Variants in IFT81 observed in about 807,000 individuals in gnomAD.
IFT81 encodes the protein intraflagellar transport protein 81 homolog.
IFT81 carries 72 observed loss-of-function variants against 102.6 expected under a neutral mutation model. The observed-to-expected ratio is 0.70, with a 90% confidence interval of 0.58 to 0.85. The LOEUF is 0.85. IFT81 is among the 40% of genes least tolerant of loss of function. The probability of loss-of-function intolerance (pLI) is 0.00; values close to 1 mark genes in which losing one functional copy is unlikely to be tolerated. For synonymous variants in IFT81, 237 were observed against 242.7 expected, an observed-to-expected ratio of 0.98 and a Z score of 0.22; for missense variants, 723 against 787.3, an observed-to-expected ratio of 0.92 and a Z score of 0.98.
chr12:110,137,185 C>A (rs977659404), intron 8 of IFT81, among the ~76,000 whole-genome samples: 1 of 152,120 alleles, frequency 6.6e-6, no homozygotes, highest in Non-Finnish European at 1.5e-5. Flanking sequence ...ACTAAACATA[C>A]AAAAATTAGC....
intron 7 of IFT81, among the ~76,000 whole-genome samples, chr12:110,136,403 A>G (rs1250732715): frequency 6.6e-6 from 1 of 152,224 alleles, no homozygotes; most frequent in African/African-American, 2.4e-5. Flanking sequence ...TAAGCCCTGA[A>G]TGGTTACTTG....
chr12:110,192,540 T>TATCTTTATGTATGTATGCA (rs1358047328), intron 13 of IFT81, 77 bp from the exon 14 acceptor site: 1 of 754,936 alleles, frequency 1.3e-6, no homozygotes, highest in East Asian at 2.6e-5. Context: ...AACACTGAAA[T>TATCTTTATGTATGTATGCA]TAATATCTTT....
intron 10 of IFT81, among the ~76,000 whole-genome samples, chr12:110,161,474 G>T (rs1438349991): frequency 7.3e-6 from 1 of 136,230 alleles, no homozygotes; most frequent in Non-Finnish European, 1.6e-5. Flanking sequence ...TTGAGACAGG[G>T]TCTCTGTCAC....
chr12:110,128,816 C>G (rs1893998658), intron 3 of IFT81, 134 bp from the exon 4 acceptor site: 2 of 482,364 alleles, frequency 4.1e-6, no homozygotes, highest in Non-Finnish European at 3.6e-6. Flanking sequence ...AAAAAGATTC[C>G]TTGGGTTTAT....
intron 5 of IFT81, among the ~76,000 whole-genome samples, chr12:110,133,163 G>A (rs920539214): frequency 6.6e-6 from 1 of 151,674 alleles, no homozygotes; most frequent in Admixed American, 6.6e-5. Context: ...GTAGAGACGG[G>A]ATTTTGCCAT....
At chr12:110,198,002 G>A (rs1290320884) in intron 14 of IFT81, among the ~76,000 whole-genome samples, 2 of 152,164 alleles carry the variant, frequency 1.3e-5, no homozygotes, top group African/African-American at 2.4e-5. Flanking sequence ...ATGAGCCACC[G>A]TGCCCAGCCC....
intron 14 of IFT81, among the ~76,000 whole-genome samples, chr12:110,195,801 G>C (rs557884486): frequency 6.6e-6 from 1 of 152,264 alleles, no homozygotes; most frequent in Admixed American, 6.5e-5. Context: ...ATGAGTTCTT[G>C]CATGTTCTAG....
intron 14 of IFT81, among the ~76,000 whole-genome samples, chr12:110,200,994 TA>T (rs200664653): frequency 8.9e-4 from 134 of 150,436 alleles, no homozygotes; most frequent in African/African-American, 2.8e-3. Context: ...AACTTCTAAT[TA>T]AAAAAAAAAT....
intron 14 of IFT81, 119 bp downstream of exon 14, chr12:110,192,825 T>C: frequency 3.4e-6 from 2 of 587,424 alleles, no homozygotes; most frequent in Non-Finnish European, 6.1e-6. Flanking sequence ...AAACAAATTA[T>C]CATTATTACG....
At chr12:110,153,935 G>A (rs932762542) in intron 10 of IFT81, among the ~76,000 whole-genome samples, 4 of 151,664 alleles carry the variant, frequency 2.6e-5, no homozygotes, top group African/African-American at 9.7e-5. Context: ...GTTAATTTAA[G>A]TGTTGGGTGG....
At chr12:110,132,505 G>T (rs1419616993) in intron 4 of IFT81, 42 bp from the exon 5 acceptor site, 1 of 829,680 alleles carries the variant, frequency 1.2e-6, no homozygotes, top group Non-Finnish European at 1.9e-6. Flanking sequence ...AACTCTACTG[G>T]ATCTAGTTAT....
At chr12:110,200,729 G>T (rs113233656) in intron 14 of IFT81, among the ~76,000 whole-genome samples, 212 of 152,032 alleles carry the variant, frequency 1.4e-3, no homozygotes, top group African/African-American at 4.9e-3. Flanking sequence ...GCAGGCGGAT[G>T]ACGAGGTCAG....
intron 8 of IFT81, among the ~76,000 whole-genome samples, chr12:110,140,304 T>C (rs1159166500): frequency 6.6e-6 from 1 of 152,144 alleles, no homozygotes; most frequent in Admixed American, 6.6e-5. Flanking sequence ...TTGATTACTT[T>C]TGACATACGC....
chr12:110,160,108 C>T (rs1476945587), intron 10 of IFT81, among the ~76,000 whole-genome samples: 1 of 152,156 alleles, frequency 6.6e-6, no homozygotes, highest in Admixed American at 6.5e-5. Flanking sequence ...AAATTTATGC[C>T]TACCTATTGT....
intron 12 of IFT81, among the ~76,000 whole-genome samples, chr12:110,188,799 C>T (rs549163796): frequency 2.0e-5 from 3 of 151,448 alleles, no homozygotes; most frequent in Non-Finnish European, 2.9e-5. Context: ...CATAGTGGCA[C>T]GCGCCTGTAA....
intron 17 of IFT81, among the ~76,000 whole-genome samples, chr12:110,207,493 T>C (rs1442109150): frequency 6.6e-6 from 1 of 152,054 alleles, no homozygotes; most frequent in Non-Finnish European, 1.5e-5. Context: ...TACTGCAGCG[T>C]AGCTTCACAC....
At chr12:110,194,520 C>T (rs1459217952) in intron 14 of IFT81, among the ~76,000 whole-genome samples, 1 of 151,994 alleles carries the variant, frequency 6.6e-6, no homozygotes, top group Non-Finnish European at 1.5e-5. Context: ...GCAGTCCTCC[C>T]ACCTCAGGCT....
intron 4 of IFT81, among the ~76,000 whole-genome samples, chr12:110,131,991 G>A (rs1471261576): frequency 6.6e-6 from 1 of 152,178 alleles, no homozygotes; most frequent in Non-Finnish European, 1.5e-5. Flanking sequence ...AACATAGCTA[G>A]TGTAGAGTGT....
chr12:110,215,979 G>A (rs1487477792), intron 18 of IFT81, among the ~76,000 whole-genome samples: 1 of 151,976 alleles, frequency 6.6e-6, no homozygotes, highest in Non-Finnish European at 1.5e-5. Flanking sequence ...AAGTATATGT[G>A]CATACAATTT....
Sources: allele counts gnomAD v4.1 joint callset (sites outside exome capture counted in the v4.1 genomes callset), GRCh38; gene constraint gnomAD v4.1.1; transcripts MANE v1.5; gene names NCBI Gene and HGNC (gene_info 2026-07-23, HGNC 2026-07-21).